Variants in TBC1D1 observed in about 807,000 individuals in gnomAD.
TBC1D1 encodes the protein TBC1 (tre-2/USP6, BUB2, cdc16) domain family, member 1.
In TBC1D1, 89 loss-of-function variants were observed where a neutral mutation model predicts 125.6. The ratio of observed to expected loss-of-function variants is 0.71; its 90% CI spans 0.60 to 0.85. The LOEUF (loss-of-function observed/expected upper bound fraction) is 0.85, where lower values mean the gene tolerates loss of function less well. Ranked by LOEUF, TBC1D1 falls within the 40% of genes least tolerant of loss-of-function variation. The pLI, the probability that TBC1D1 is intolerant of heterozygous loss-of-function variation, is 0.00. For synonymous variants in TBC1D1, 565 were observed against 564.1 expected (o/e 1.00, Z -0.02); for missense variants, 1,377 against 1,469.2 (o/e 0.94, Z 1.03).
chr4:37,958,662 T>G (rs1214205722), intron 2 of TBC1D1, among the ~76,000 whole-genome samples: 1 of 152,196 alleles, frequency 6.6e-6, no homozygotes, highest in Non-Finnish European at 1.5e-5. Flanking sequence ...TGACATCTTT[T>G]ACTTTAATTA....
At chr4:37,944,636 G>T (rs1726277510) in intron 2 of TBC1D1, among the ~76,000 whole-genome samples, 1 of 152,244 alleles carries the variant, frequency 6.6e-6, no homozygotes, top group Admixed American at 6.5e-5. Flanking sequence ...CTTTGAGCCA[G>T]GTGCGGGACA....
At chr4:38,090,380 A>C (rs887474379) in intron 13 of TBC1D1, among the ~76,000 whole-genome samples, 2 of 152,200 alleles carry the variant, frequency 1.3e-5, no homozygotes, top group Non-Finnish European at 2.9e-5. Context: ...TCCAAGCTTT[A>C]AATCTAAGCT....
At chr4:37,994,919 T>G (rs915616546) in intron 2 of TBC1D1, among the ~76,000 whole-genome samples, 1 of 151,210 alleles carries the variant, frequency 6.6e-6, no homozygotes, top group African/African-American at 2.4e-5. Context: ...ACTAACTCCA[T>G]GGGTGATTAG....
chr4:37,960,575 C>T (rs1198711640), intron 2 of TBC1D1: 3 of 1,613,942 alleles, frequency 1.9e-6, no homozygotes, highest in Non-Finnish European at 2.5e-6. Flanking sequence ...GACGTTTTGG[C>T]AAAACATACG....
At chr4:37,988,097 C>T (rs930836580) in intron 2 of TBC1D1, among the ~76,000 whole-genome samples, 6 of 152,192 alleles carry the variant, frequency 3.9e-5, no homozygotes, top group African/African-American at 1.4e-4. Flanking sequence ...TTTGGCATCA[C>T]GTGAGCTGAT....
At chr4:38,081,667 C>G (rs1756585775) in intron 12 of TBC1D1, among the ~76,000 whole-genome samples, 1 of 152,154 alleles carries the variant, frequency 6.6e-6, no homozygotes, top group Non-Finnish European at 1.5e-5. Context: ...AGCACTTACT[C>G]TTGTCTAAGT....
At chr4:37,893,153 G>A (rs997406702) in intron 1 of TBC1D1, among the ~76,000 whole-genome samples, 3 of 152,214 alleles carry the variant, frequency 2.0e-5, no homozygotes, top group African/African-American at 7.2e-5. Flanking sequence ...TTGGCCACCA[G>A]CTTTCTAGAG....
At chr4:38,115,545 A>G (rs1008047303) in intron 15 of TBC1D1, among the ~76,000 whole-genome samples, 165 bp from the exon 18 acceptor site, 14 of 152,252 alleles carry the variant, frequency 9.2e-5, no homozygotes, top group African/African-American at 3.4e-4. Context: ...TATTCCAGGA[A>G]TAACTGGTGG....
At chr4:38,095,849 A>C in intron 13 of TBC1D1, 80 bp from the exon 16 acceptor site, 1 of 1,433,162 alleles carries the variant, frequency 7.0e-7, no homozygotes, top group Non-Finnish European at 9.4e-7. Flanking sequence ...CAGCGGGATA[A>C]CAAGTAGGCA....
At chr4:38,089,615 A>T (rs1758093781) in intron 12 of TBC1D1, among the ~76,000 whole-genome samples, 1 of 152,256 alleles carries the variant, frequency 6.6e-6, no homozygotes, top group South Asian at 2.1e-4. Context: ...CACTGTATGA[A>T]CATTTTCTGT....
At chr4:37,917,383 G>A (rs1719963557) in intron 2 of TBC1D1, among the ~76,000 whole-genome samples, 2 of 152,154 alleles carry the variant, frequency 1.3e-5, no homozygotes, top group African/African-American at 4.8e-5. Context: ...GCTGAGGCAC[G>A]AGAATTGCTT....
intron 2 of TBC1D1, among the ~76,000 whole-genome samples, chr4:37,976,228 C>T (rs553999193): frequency 1.5e-4 from 23 of 152,282 alleles, no homozygotes; most frequent in Non-Finnish European, 2.8e-4. Flanking sequence ...GAACTAAATA[C>T]GGGCAACACC....
intron 2 of TBC1D1, among the ~76,000 whole-genome samples, chr4:37,925,825 T>C (rs1721993735): frequency 6.6e-6 from 1 of 152,054 alleles, no homozygotes; most frequent in Non-Finnish European, 1.5e-5. Context: ...AAAAAAAGTT[T>C]AAAATAAATT....
chr4:38,015,436 A>G (rs1742494361), intron 3 of TBC1D1, among the ~76,000 whole-genome samples: 2 of 152,112 alleles, frequency 1.3e-5, no homozygotes. Flanking sequence ...CCCAAACTGA[A>G]ATATTAATTT....
At chr4:38,097,831 T>TA (rs1759635090) in intron 14 of TBC1D1, among the ~76,000 whole-genome samples, 1 of 152,246 alleles carries the variant, frequency 6.6e-6, no homozygotes, top group Admixed American at 6.5e-5. Flanking sequence ...CAGTGTTTTT[T>TA]ACTATAGTTT....
At chr4:38,051,878 C>G in intron 11 of TBC1D1, 21 bp from the exon 12 acceptor site, 1 of 1,544,276 alleles carries the variant, frequency 6.5e-7, no homozygotes, top group East Asian at 2.5e-5. Flanking sequence ...CCCCCCCGTG[C>G]TTTCTCTGAT....
At chr4:37,946,727 A>G (rs918383055) in intron 2 of TBC1D1, among the ~76,000 whole-genome samples, 6 of 152,142 alleles carry the variant, frequency 3.9e-5, no homozygotes, top group Admixed American at 1.3e-4. Flanking sequence ...GGCTGTCTGG[A>G]GAAGGCATGA....
At chr4:38,072,876 C>A (rs1246719758) in intron 12 of TBC1D1, among the ~76,000 whole-genome samples, 1 of 152,144 alleles carries the variant, frequency 6.6e-6, no homozygotes, top group East Asian at 1.9e-4. Flanking sequence ...TATTTGTCTT[C>A]TTATTTCTGG....
chr4:38,115,188 C>T (rs1300454997), intron 15 of TBC1D1, among the ~76,000 whole-genome samples: 1 of 150,362 alleles, frequency 6.7e-6, no homozygotes, highest in Non-Finnish European at 1.5e-5. Context: ...GCCATCTCTG[C>T]CTCCCAGGTT....
Sources: gnomAD v4.1 joint callset for allele counts (sites outside exome capture counted in the v4.1 genomes callset) on GRCh38, gnomAD v4.1.1 for gene constraint, MANE v1.5 for transcripts, NCBI Gene and HGNC (gene_info 2026-07-23, HGNC 2026-07-21) for gene names.